The following DPP6 variants were observed in gnomAD, a reference collection of about 807,000 sequenced individuals.
DPP6 encodes the protein A-type potassium channel modulatory protein DPP6.
DPP6 carries 69 observed loss-of-function variants against 122.6 expected under a neutral mutation model. The observed-to-expected ratio is 0.56, with a 90% CI of 0.46 to 0.69. DPP6 has a LOEUF of 0.69. Among genes scored for constraint, DPP6 ranks in the 30% least tolerant of loss-of-function variants. The pLI is 0.00. For missense variants in DPP6, 928 were observed against 1,116.9 expected, an observed-to-expected ratio of 0.83 and a Z score of 2.41; for synonymous variants, 418 against 433.1, an observed-to-expected ratio of 0.97 and a Z score of 0.43.
chr7:154,522,687 C>T (rs1827095087), intron 3 of DPP6, among the ~76,000 whole-genome samples: 1 of 139,672 alleles, frequency 7.2e-6, no homozygotes, highest in Admixed American at 7.0e-5. Context: ...AAGCAGAAAA[C>T]CCAGACACGA....
intron 17 of DPP6, among the ~76,000 whole-genome samples, chr7:154,859,979 G>A (rs910762373): frequency 1.3e-5 from 2 of 152,170 alleles, no homozygotes; most frequent in African/African-American, 4.8e-5. Flanking sequence ...AAGCGCATGT[G>A]GGAGCTTGGG....
At chr7:154,041,949 G>A (rs112416490) in intron 1 of DPP6, among the ~76,000 whole-genome samples, 8 of 152,216 alleles carry the variant, frequency 5.3e-5, no homozygotes, top group South Asian at 4.1e-4. Context: ...AGTAGAGCCG[G>A]GGTTTCACCA....
rs566878645 is a variant in DPP6, at chr7:154,061,507, A to G, written c.243+8444A>G. Among the ~76,000 whole-genome samples, 176 of 147,218 alleles carry G rather than the reference A, an allele frequency of 1.2e-3. 3 individuals are homozygous for G. Among genetic ancestry groups the G allele is most frequent in the South Asian group, 1.7e-3 (8 of 4,578 alleles). ...TTGGCAGCAACTGCCCTGCTAGTAC[A>G]AGAAGCAAATAAGCTGATTCTTGGG... On this transcript the variant is annotated intron_variant, in intron 1 of 25. Transcript: ENST00000377770.
the DPP6 span, among the ~76,000 whole-genome samples, chr7:153,875,561 C>A: frequency 6.6e-6 from 1 of 151,818 alleles, no homozygotes; most frequent in Non-Finnish European, 1.5e-5. Flanking sequence ...ACTCAAAGTT[C>A]CTTATTACCT....
intron 1 of DPP6, among the ~76,000 whole-genome samples, chr7:154,259,568 C>T (rs1802865561): frequency 1.3e-5 from 2 of 152,018 alleles, no homozygotes; most frequent in African/African-American, 4.8e-5. Context: ...GACAGCTGCT[C>T]AGGGGTGAAT....
intron 8 of DPP6, among the ~76,000 whole-genome samples, chr7:154,749,078 G>C (rs974762467): frequency 7.9e-5 from 12 of 151,346 alleles, no homozygotes; most frequent in Admixed American, 2.0e-4. Context: ...ATGGGAAAGA[G>C]AGGGATGGAG....
At chr7:154,864,084 G>A (rs1803651041) in intron 17 of DPP6, among the ~76,000 whole-genome samples, 1 of 152,200 alleles carries the variant, frequency 6.6e-6, no homozygotes, top group Non-Finnish European at 1.5e-5. Flanking sequence ...AACCCAGGCA[G>A]GGGAAGTCAG....
intron 1 of DPP6, among the ~76,000 whole-genome samples, chr7:153,958,876 C>T (rs2129027002): frequency 6.6e-6 from 1 of 152,010 alleles, no homozygotes; most frequent in African/African-American, 2.4e-5. Flanking sequence ...TAAAAAAACC[C>T]TCAAGAACTG....
At chr7:154,103,154 T>C (rs928613059) in intron 1 of DPP6, among the ~76,000 whole-genome samples, 1 of 152,132 alleles carries the variant, frequency 6.6e-6, no homozygotes, top group African/African-American at 2.4e-5. Flanking sequence ...AAGGTTGCCC[T>C]GCTTAGCTCA....
intron 7 of DPP6, among the ~76,000 whole-genome samples, chr7:154,721,329 A>G (rs978915294): frequency 1.3e-5 from 2 of 151,946 alleles, no homozygotes; most frequent in Non-Finnish European, 2.9e-5. Context: ...TCCCAGCCGC[A>G]CCCCTGACCC....
intron 1 of DPP6, among the ~76,000 whole-genome samples, chr7:154,399,432 A>G (rs1392220661): frequency 1.3e-5 from 2 of 152,182 alleles, no homozygotes; most frequent in African/African-American, 2.4e-5. Context: ...TATTATTTCT[A>G]TAAAATGAAG....
chr7:154,109,606 A>G (rs1333746048), intron 1 of DPP6, among the ~76,000 whole-genome samples: 2 of 152,204 alleles, frequency 1.3e-5, no homozygotes, highest in African/African-American at 2.4e-5. Context: ...TTAATTTTCT[A>G]ATCTTTAAAA....
chr7:154,835,400 T>A lies in DPP6; in HGVS notation c.1667-18380T>A, dbSNP rs143015266. Among the ~76,000 whole-genome samples, 76 of 152,302 alleles carry A rather than the reference T, an allele frequency of 5.0e-4. 1 individual carries two copies. The East Asian group carries it at 0.014, about 28-fold the overall frequency. On this transcript the variant is annotated intron_variant, in intron 16 of 25. Coordinates refer to ENST00000377770, the MANE Select transcript of DPP6 (RefSeq NM_130797.4). ...CTCCAGACCTGTGAGACAATCTATT[T>A]CTGTTGTTTTAAGCTGCCCGGTCTG...
At chr7:154,128,669 G>T (rs907869993) in intron 1 of DPP6, among the ~76,000 whole-genome samples, 3 of 151,346 alleles carry the variant, frequency 2.0e-5, no homozygotes, top group African/African-American at 7.3e-5. Context: ...GATTACAGGC[G>T]TGAGACACCG....
Position 153,929,691 on chromosome 7 carries a change from C to T in DPP6, c.51+41957C>T, listed in dbSNP as rs373037290. Among the ~76,000 whole-genome samples, 400 of 152,052 alleles carry T rather than the reference C, an allele frequency of 2.6e-3. 3 individuals carry two copies. Among genetic ancestry groups the T allele is most frequent in the Middle Eastern group, 0.014 (4 of 294 alleles). ...ACCAGCAGTGGGTGGGAATGAGTGC[C>T]GTACTGCACACTTGTCTGTTCTCTG... On this transcript the variant is annotated intron_variant, in intron 1 of 25. Coordinates refer to the DPP6 transcript ENST00000404039.
intron 3 of DPP6, among the ~76,000 whole-genome samples, chr7:154,494,806 A>G (rs1405824196): frequency 1.3e-5 from 2 of 152,220 alleles, no homozygotes; most frequent in Non-Finnish European, 2.9e-5. Flanking sequence ...CATTCAGTTA[A>G]TAATTGAAAA....
intron 1 of DPP6, among the ~76,000 whole-genome samples, chr7:154,288,706 T>C (rs557613351): frequency 6.6e-6 from 1 of 152,178 alleles, no homozygotes; most frequent in African/African-American, 2.4e-5. Context: ...TGTCAATAAA[T>C]GTTCAAACCC....
the DPP6 span, among the ~76,000 whole-genome samples, chr7:153,833,939 A>G: frequency 6.6e-6 from 1 of 152,176 alleles, no homozygotes; most frequent in South Asian, 2.1e-4. Flanking sequence ...ATTGTCTTAA[A>G]ATATCTGTTG....
chr7:154,801,451 T>C lies in DPP6; in HGVS notation c.1396T>C (p.Ser466Pro). 6.3e-7 allele frequency: 1 copy of C among 1,582,312 alleles called. No homozygotes were observed. The highest frequency in any genetic ancestry group is 8.6e-7 in the Non-Finnish European group (1 of 1,162,910). ...AGGGAAATTCTATCACATCACGGTGTCCTCGTCCCAGGTAAGTCCTGCTAG... is the reference window on the plus strand; with the variant it reads ...AGGGAAATTCTATCACATCACGGTGCCCTCGTCCCAGGTAAGTCCTGCTAG... ...GRGKFYHITV[S>P]SSQPNSSNDN... The change falls in exon 13 of 26, where the codon TCC becomes CCC. Residue 466 changes from serine to proline, a missense_variant. By Grantham distance (74) the Ser-to-Pro change is moderately conservative. Coordinates refer to ENST00000377770, the MANE Select transcript of DPP6 (RefSeq NM_130797.4).
Sources: gnomAD v4.1 joint callset for allele counts (sites outside exome capture counted in the v4.1 genomes callset) on GRCh38, gnomAD v4.1.1 for gene constraint, MANE v1.5 for transcripts, NCBI Gene and HGNC (gene_info 2026-07-23, HGNC 2026-07-21) for gene names.